TMEM132D: variants seen among roughly 807,000 people sequenced by gnomAD.
TMEM132D encodes the protein mature OL transmembrane protein.
A neutral mutation model predicts 62.3 loss-of-function variants in TMEM132D; 21 were observed. The ratio of observed to expected loss-of-function variants is 0.34; its 90% CI spans 0.24 to 0.49. The LOEUF (loss-of-function observed/expected upper bound fraction) is 0.49, where lower values mean the gene tolerates loss of function less well. TMEM132D is among the 20% of genes least tolerant of loss of function. TMEM132D has a pLI of 0.99. For missense variants in TMEM132D, 1,346 were observed against 1,402.8 expected (o/e 0.96, Z 0.65); for synonymous variants, 621 against 575.6 (o/e 1.08, Z -1.13).
chr12:129,538,630 TAATAA>T (rs10571227), intron 2 of TMEM132D, among the ~76,000 whole-genome samples: 35,678 of 152,092 alleles, frequency 0.23, 4,357 homozygotes, highest in East Asian at 0.4. Flanking sequence ...TAATAACTAA[TAATAA>T]AATAGAACAA....
rs148391541 is a variant in TMEM132D at position 129,406,841 on chromosome 12, G to A, written c.1116-69024C>T. 1.7e-3 allele frequency among the ~76,000 whole-genome samples: 265 copies of A among 152,250 alleles called. 2 individuals carry two copies. Among genetic ancestry groups the A allele is most frequent in the Middle Eastern group, 6.8e-3 (2 of 294 alleles). ...TGCACGGCTATCCTATAGCCTGTACGCCCAGCAGAAGTATCCCTGGTTATG... is the reference window on the plus strand; with the variant it reads ...TGCACGGCTATCCTATAGCCTGTACACCCAGCAGAAGTATCCCTGGTTATG... On this transcript the variant is annotated intron_variant, in intron 3 of 8. Transcript: ENST00000422113.
At chr12:129,660,198 T>C (rs2137190954) in intron 2 of TMEM132D, among the ~76,000 whole-genome samples, 1 of 152,298 alleles carries the variant, frequency 6.6e-6, no homozygotes, top group South Asian at 2.1e-4. Context: ...GTTAGTGATA[T>C]GATCATATGG....
At chr12:129,638,922 T>C (rs1216647544) in intron 2 of TMEM132D, among the ~76,000 whole-genome samples, 2 of 152,026 alleles carry the variant, frequency 1.3e-5, no homozygotes, top group African/African-American at 2.4e-5. Flanking sequence ...TAACACAGCA[T>C]ATGCAAAGTC....
At chr12:129,600,947 A>G (rs1030914362) in intron 2 of TMEM132D, among the ~76,000 whole-genome samples, 1 of 152,212 alleles carries the variant, frequency 6.6e-6, no homozygotes. Flanking sequence ...TGCATTACCC[A>G]ACAACAAGGA....
intron 4 of TMEM132D, among the ~76,000 whole-genome samples, chr12:129,321,647 C>T (rs1868712041): frequency 6.6e-6 from 1 of 152,118 alleles, no homozygotes. Flanking sequence ...AGCTCCACCT[C>T]CCAGGTTCAC....
intron 2 of TMEM132D, among the ~76,000 whole-genome samples, chr12:129,693,529 C>T (rs1881114309): frequency 6.6e-6 from 1 of 152,094 alleles, no homozygotes; most frequent in Non-Finnish European, 1.5e-5. Flanking sequence ...AAAAAAGTAA[C>T]TTTACGGTGG....
At chr12:129,544,087 C>A (rs751784404) in intron 2 of TMEM132D, among the ~76,000 whole-genome samples, 2 of 152,212 alleles carry the variant, frequency 1.3e-5, no homozygotes, top group African/African-American at 4.8e-5. Context: ...ATCCTATACA[C>A]GTTTATATCC....
Position 129,549,611 on chromosome 12 carries a change from C to T in TMEM132D, c.969-18406G>A, listed in dbSNP as rs570503805. Among the ~76,000 whole-genome samples, 20 of 152,284 alleles carry T rather than the reference C, an allele frequency of 1.3e-4. No homozygotes were observed. In the East Asian group the frequency reaches 3.7e-3, roughly 28 times the overall value. ...ATGTGGAACTGTGAGTCCATTAAACCTCTTTTTCTTTATAAATTACCCAGT... is the reference window on the plus strand; with the variant it reads ...ATGTGGAACTGTGAGTCCATTAAACTTCTTTTTCTTTATAAATTACCCAGT... On this transcript the variant is annotated intron_variant, in intron 2 of 8. Transcript: ENST00000422113.
Position 129,178,948 on chromosome 12 carries a change from C to T in TMEM132D, c.1443+30572G>A, listed in dbSNP as rs994394700. Among the ~76,000 whole-genome samples, 14 of 152,186 alleles carry T rather than the reference C, an allele frequency of 9.2e-5. No individual in the cohort carries two copies. In the East Asian group the frequency reaches 1.7e-3, roughly 19 times the overall value. ...CAGCGGGGCTTTTGCTCTCGCCACA[C>T]CCGGGACTCTGGGACCACTGTGTGA... On this transcript the variant is annotated intron_variant, in intron 5 of 8. Coordinates refer to ENST00000422113, the MANE Select transcript of TMEM132D (RefSeq NM_133448.3).
intron 2 of TMEM132D, among the ~76,000 whole-genome samples, chr12:129,622,202 G>A (rs1879090456): frequency 6.6e-6 from 1 of 152,176 alleles, no homozygotes; most frequent in Non-Finnish European, 1.5e-5. Flanking sequence ...TGAAAAAGCA[G>A]AAGCCAGCAA....
intron 2 of TMEM132D, among the ~76,000 whole-genome samples, chr12:129,672,687 C>T (rs572405897): frequency 1.3e-5 from 2 of 152,284 alleles, no homozygotes; most frequent in South Asian, 2.1e-4. Context: ...TAGGCTCATA[C>T]AATCTACATA....
chr12:129,649,732 TATATAATAC>T (rs1426332594), intron 2 of TMEM132D, among the ~76,000 whole-genome samples: 1 of 148,884 alleles, frequency 6.7e-6, no homozygotes, highest in Admixed American at 6.9e-5. Flanking sequence ...CATGTTATTC[TATATAATAC>T]ATAAAGATAT....
At chr12:129,204,127 C>T (rs1878780721) in intron 5 of TMEM132D, among the ~76,000 whole-genome samples, 1 of 152,112 alleles carries the variant, frequency 6.6e-6, no homozygotes, top group African/African-American at 2.4e-5. Flanking sequence ...AGCTAGAGTG[C>T]CTTTTTTCTT....
chr12:129,451,048 C>T (rs999776620), intron 3 of TMEM132D, among the ~76,000 whole-genome samples: 4 of 152,066 alleles, frequency 2.6e-5, no homozygotes, highest in African/African-American at 4.8e-5. Context: ...AGGCGTGAGC[C>T]ACCGCGCCCG....
chr12:129,189,847 C>T (rs955621237), intron 5 of TMEM132D, among the ~76,000 whole-genome samples: 3 of 152,054 alleles, frequency 2.0e-5, no homozygotes, highest in Non-Finnish European at 4.4e-5. Context: ...GGTTACATGA[C>T]AGGGGAAAGT....
At chr12:129,263,422 T>C (rs915081415) in intron 4 of TMEM132D, among the ~76,000 whole-genome samples, 4 of 152,096 alleles carry the variant, frequency 2.6e-5, no homozygotes, top group Non-Finnish European at 5.9e-5. Context: ...AATACTGAAG[T>C]ATAAAGAAGG....
intron 2 of TMEM132D, among the ~76,000 whole-genome samples, chr12:129,600,041 T>C (rs1276239431): frequency 6.6e-6 from 1 of 152,198 alleles, no homozygotes; most frequent in Non-Finnish European, 1.5e-5. Flanking sequence ...AAGATTTCTC[T>C]GTAGCATGCG....
chr12:129,388,924 A>C (rs1290135351), intron 3 of TMEM132D, among the ~76,000 whole-genome samples: 1 of 134,368 alleles, frequency 7.4e-6, no homozygotes, highest in East Asian at 2.0e-4. Context: ...CGACACCAAT[A>C]CTAACACCAA....
intron 2 of TMEM132D, among the ~76,000 whole-genome samples, chr12:129,558,688 G>A (rs915387945): frequency 6.6e-6 from 1 of 152,218 alleles, no homozygotes; most frequent in African/African-American, 2.4e-5. Context: ...AGAAGAGAAT[G>A]TAAAGGGAGT....
Sources: gnomAD v4.1 joint callset for allele counts (sites outside exome capture counted in the v4.1 genomes callset) on GRCh38, gnomAD v4.1.1 for gene constraint, MANE v1.5 for transcripts, NCBI Gene and HGNC (gene_info 2026-07-23, HGNC 2026-07-21) for gene names.